Variants in FRAS1 observed in about 807,000 individuals in gnomAD.
FRAS1 encodes extracellular matrix organizing protein FRAS1.
Under a neutral mutation model 435.2 loss-of-function variants are expected in FRAS1, and 290 were observed. That is an observed-to-expected ratio of 0.67 (90% CI 0.61 to 0.73). The LOEUF is 0.73. Among genes scored for constraint, FRAS1 ranks in the 30% least tolerant of loss-of-function variants. The pLI, the probability that FRAS1 is intolerant of heterozygous loss-of-function variation, is 0.00. For synonymous variants in FRAS1, 1,800 were observed against 1,851.0 expected, an observed-to-expected ratio of 0.97 and a Z score of 0.71; for missense variants, 4,860 against 5,001.5, an observed-to-expected ratio of 0.97 and a Z score of 0.85.
intron 65 of FRAS1, among the ~76,000 whole-genome samples, chr4:78,514,936 C>T (rs527676072): frequency 7.2e-5 from 11 of 151,766 alleles, no homozygotes; most frequent in African/African-American, 1.9e-4. Flanking sequence ...GGTGTGGTGA[C>T]GTGCACCTGT....
At chr4:78,454,998 A>G (rs528446225) in intron 47 of FRAS1, among the ~76,000 whole-genome samples, 1 of 152,256 alleles carries the variant, frequency 6.6e-6, no homozygotes, top group African/African-American at 2.4e-5. Flanking sequence ...CCCTTTTCCA[A>G]TGGGCTTTAT....
chr4:78,513,453 C>T lies in FRAS1; in HGVS notation c.10075C>T (p.Pro3359Ser), dbSNP rs1334473449. 1 of 1,613,880 alleles carries T rather than the reference C, an allele frequency of 6.2e-7. No homozygotes were observed. Among genetic ancestry groups the T allele is most frequent in the Admixed American group, 1.7e-5 (1 of 60,018 alleles). Residue 3359 changes from proline to serine, a missense_variant, in exon 65 of 74, where the codon CCG becomes TCG. By Grantham distance (74) the Pro-to-Ser change is moderately conservative. Coordinates refer to ENST00000512123, the MANE Select transcript of FRAS1 (RefSeq NM_025074.7). ...AATGCTGCCCCTTATCTCCACCATG[C>T]CGTTGCACAACTTACATTTTCTACT... ...DGMLPLISTM[P>S]LHNLHFLLSE... is the part of the protein sequence containing the mutation.
intron 2 of FRAS1, among the ~76,000 whole-genome samples, chr4:78,119,474 TG>T (rs1194287970): frequency 6.6e-6 from 1 of 152,194 alleles, no homozygotes; most frequent in Non-Finnish European, 1.5e-5. Flanking sequence ...TTTAACATAG[TG>T]TCCTCTAGTT....
At chr4:78,460,115 A>G (rs768827333) in intron 47 of FRAS1, among the ~76,000 whole-genome samples, 13 of 152,188 alleles carry the variant, frequency 8.5e-5, no homozygotes, top group Non-Finnish European at 1.9e-4. Context: ...GAGATAGGAC[A>G]TGGACATGGG....
intron 29 of FRAS1, among the ~76,000 whole-genome samples, chr4:78,399,728 G>T (rs375911913): frequency 6.6e-6 from 1 of 152,116 alleles, no homozygotes; most frequent in Non-Finnish European, 1.5e-5. Context: ...TGCTGTCTAC[G>T]ATGAATTTAC....
At position 78,267,550 on chromosome 4, in the gene FRAS1, C is replaced by A. The variant is rs55714031; in HGVS notation, c.981+118C>A. On this transcript the variant is annotated intron_variant, in intron 9 of 73. Coordinates refer to ENST00000512123, the MANE Select transcript of FRAS1 (RefSeq NM_025074.7). ...CAGGGATGTCCACATTGACTTCTCA[C>A]ACTTCATAGGACCTTCTAGTGTAAA... is the stretch of plus-strand genomic sequence containing the variant. The A allele has an allele frequency of 8.3e-3, 7,279 of 879,514 alleles. 365 individuals are homozygous for A. In the African/African-American group the frequency reaches 0.11, roughly 13 times the overall value. The allele number at this position is 879,514 out of a possible 1,614,324, so 54.5% of individuals were successfully genotyped here.
chr4:78,399,382 T>G (rs1182533735), intron 29 of FRAS1, among the ~76,000 whole-genome samples: 2 of 152,186 alleles, frequency 1.3e-5, no homozygotes, highest in African/African-American at 2.4e-5. Flanking sequence ...TATTTGAAAG[T>G]AATAATAATA....
chr4:78,257,030 T>C (rs963224680), intron 6 of FRAS1, among the ~76,000 whole-genome samples: 1 of 152,096 alleles, frequency 6.6e-6, no homozygotes, highest in African/African-American at 2.4e-5. Context: ...ACCACCACCA[T>C]CACTACCACC....
At chr4:78,222,717 C>T (rs545621388) in intron 2 of FRAS1, among the ~76,000 whole-genome samples, 1 of 152,262 alleles carries the variant, frequency 6.6e-6, no homozygotes, top group East Asian at 1.9e-4. Context: ...CGGTGGGTCT[C>T]CTAATTTGCT....
chr4:78,226,843 G>T (rs1203780719), intron 2 of FRAS1, among the ~76,000 whole-genome samples: 1 of 152,100 alleles, frequency 6.6e-6, no homozygotes, highest in African/African-American at 2.4e-5. Flanking sequence ...TATGTTCCAT[G>T]TGTCACTAAT....
At chr4:78,118,394 C>G (rs1001069637) in intron 2 of FRAS1, among the ~76,000 whole-genome samples, 1 of 152,164 alleles carries the variant, frequency 6.6e-6, no homozygotes, top group Non-Finnish European at 1.5e-5. Context: ...GAGGTGCTGC[C>G]TTTTGTTTGG....
Position 78,540,608 on chromosome 4 carries a change from G to A in FRAS1, c.11523G>A (p.Gln3841=), listed in dbSNP as rs747107517. The change falls in exon 74 of 74, where the codon CAG becomes CAA. Residue 3841 remains glutamine (Q), a synonymous_variant. Coordinates refer to ENST00000512123, the MANE Select transcript of FRAS1 (RefSeq NM_025074.7). ...GPDTISGPRV[Q]RSLTAPLRRN... ...ACACCATCTCAGGGCCCCGGGTCCAGCGCTCTCTCACAGCTCCACTCAGAC... is the reference window on the plus strand; with the variant it reads ...ACACCATCTCAGGGCCCCGGGTCCAACGCTCTCTCACAGCTCCACTCAGAC... The A allele has an allele frequency of 2.1e-5, 32 of 1,556,128 alleles. No homozygotes were observed. The highest frequency in any genetic ancestry group is 4.1e-5 in the African/African-American group (3 of 73,010).
intron 1 of FRAS1, among the ~76,000 whole-genome samples, 174 bp from the exon 2 acceptor site, chr4:78,065,811 G>A (rs73829426): frequency 0.013 from 2,021 of 152,254 alleles, 38 homozygotes; most frequent in African/African-American, 0.046. Context: ...TGTTGTTTTG[G>A]TGTATGGGGT....
intron 2 of FRAS1, among the ~76,000 whole-genome samples, chr4:78,144,410 C>A (rs575179601): frequency 6.6e-6 from 1 of 151,620 alleles, no homozygotes; most frequent in African/African-American, 2.4e-5. Context: ...AAACCATCAT[C>A]TTTTCTTTTC....
intron 22 of FRAS1, among the ~76,000 whole-genome samples, chr4:78,364,479 A>G (rs191567744): frequency 9.2e-5 from 14 of 152,328 alleles, no homozygotes; most frequent in African/African-American, 3.4e-4. Context: ...TTTGTTTTCT[A>G]CATGTGTTTG....
intron 2 of FRAS1, among the ~76,000 whole-genome samples, chr4:78,179,467 G>A (rs1333354357): frequency 6.6e-6 from 1 of 152,186 alleles, no homozygotes; most frequent in African/African-American, 2.4e-5. Flanking sequence ...AGCAGGAAGT[G>A]TTTCATTAAA....
intron 30 of FRAS1, among the ~76,000 whole-genome samples, chr4:78,406,744 G>A (rs1003976001): frequency 1.2e-4 from 18 of 152,166 alleles, no homozygotes; most frequent in African/African-American, 4.1e-4. Context: ...GGCTTATGGA[G>A]CTTAAGGAAG....
At chr4:78,461,653 A>G (rs1157834955) in intron 47 of FRAS1, among the ~76,000 whole-genome samples, 1 of 152,244 alleles carries the variant, frequency 6.6e-6, no homozygotes, top group Non-Finnish European at 1.5e-5. Context: ...TAGTGAGAAT[A>G]TAAAATGGTA....
chr4:78,403,170 C>T (rs1364968478), intron 30 of FRAS1, among the ~76,000 whole-genome samples: 1 of 152,136 alleles, frequency 6.6e-6, no homozygotes, highest in African/African-American at 2.4e-5. Flanking sequence ...ATTAAATTCT[C>T]TACCTTTATC....
Sources: allele counts gnomAD v4.1 joint callset (sites outside exome capture counted in the v4.1 genomes callset), GRCh38; gene constraint gnomAD v4.1.1; transcripts MANE v1.5; gene names NCBI Gene and HGNC (gene_info 2026-07-23, HGNC 2026-07-21).